Variants in CACNA2D3 observed in about 807,000 individuals in gnomAD.
CACNA2D3 encodes the protein calcium voltage-gated channel auxiliary subunit alpha2delta 3.
In CACNA2D3, 60 loss-of-function variants were observed where a neutral mutation model predicts 160.6. That is an observed-to-expected ratio of 0.37 (90% CI 0.30 to 0.46). The LOEUF is 0.46. Among genes scored for constraint, CACNA2D3 ranks in the 20% least tolerant of loss-of-function variants. The probability of loss-of-function intolerance (pLI) is 1.00; values close to 1 mark genes in which losing one functional copy is unlikely to be tolerated. For synonymous variants in CACNA2D3, 558 were observed against 492.9 expected, an observed-to-expected ratio of 1.13 and a Z score of -1.75; for missense variants, 1,205 against 1,365.0, an observed-to-expected ratio of 0.88 and a Z score of 1.85.
At chr3:54,259,529 C>T (rs151139269) in intron 2 of CACNA2D3, among the ~76,000 whole-genome samples, 3 of 152,140 alleles carry the variant, frequency 2.0e-5, no homozygotes, top group African/African-American at 4.8e-5. Flanking sequence ...GATGGAGAGC[C>T]GGATAGAAAT....
At chr3:55,058,989 C>T (rs572683617) in intron 35 of CACNA2D3, among the ~76,000 whole-genome samples, 33 of 152,218 alleles carry the variant, frequency 2.2e-4, no homozygotes, top group Non-Finnish European at 4.3e-4. Flanking sequence ...GTTTTCTTAC[C>T]ATTAACATGG....
chr3:55,059,795 G>GA (rs1371450582), intron 35 of CACNA2D3, among the ~76,000 whole-genome samples: 1 of 152,058 alleles, frequency 6.6e-6, no homozygotes, highest in Non-Finnish European at 1.5e-5. Context: ...TTGGGGGGTG[G>GA]AAAGGGATGG....
intron 4 of CACNA2D3, among the ~76,000 whole-genome samples, chr3:54,498,108 G>C (rs1267269054): frequency 6.6e-6 from 1 of 151,248 alleles, no homozygotes. Context: ...AATTAGATAG[G>C]AAGTATTTTC....
intron 9 of CACNA2D3, among the ~76,000 whole-genome samples, chr3:54,627,254 T>C (rs1402608788): frequency 6.6e-6 from 1 of 152,216 alleles, no homozygotes; most frequent in East Asian, 1.9e-4. Flanking sequence ...TCTGAGTACC[T>C]GATGGCAGCA....
intron 31 of CACNA2D3, among the ~76,000 whole-genome samples, chr3:55,001,394 A>T (rs186990537): frequency 1.1e-4 from 17 of 152,340 alleles, no homozygotes; most frequent in African/African-American, 4.1e-4. Context: ...CAATACTTAT[A>T]ACAGCAGCTA....
intron 3 of CACNA2D3, among the ~76,000 whole-genome samples, chr3:54,349,714 C>T (rs1221049810): frequency 2.0e-5 from 3 of 152,198 alleles, no homozygotes; most frequent in East Asian, 1.9e-4. Context: ...GCATCCATCA[C>T]GTCTTCCCAT....
intron 2 of CACNA2D3, among the ~76,000 whole-genome samples, chr3:54,163,264 TGTG>T (rs564850553): frequency 1.4e-4 from 22 of 152,342 alleles, no homozygotes; most frequent in African/African-American, 5.1e-4. Flanking sequence ...AACAGCTAAT[TGTG>T]GTAAGTACTG....
intron 9 of CACNA2D3, among the ~76,000 whole-genome samples, chr3:54,595,313 G>T (rs1332311947): frequency 7.6e-6 from 1 of 132,204 alleles, no homozygotes; most frequent in Non-Finnish European, 1.6e-5. Flanking sequence ...CTGTGTGTGT[G>T]GTGTGTGTGT....
chr3:54,624,577 G>A (rs548812435), intron 9 of CACNA2D3, among the ~76,000 whole-genome samples: 2 of 152,230 alleles, frequency 1.3e-5, no homozygotes, highest in South Asian at 2.1e-4. Context: ...AGCCGAGATC[G>A]CACCCACTGC....
intron 2 of CACNA2D3, among the ~76,000 whole-genome samples, chr3:54,144,639 G>A (rs920136253): frequency 6.6e-6 from 1 of 152,248 alleles, no homozygotes; most frequent in East Asian, 1.9e-4. Flanking sequence ...AGGCTCTGGG[G>A]CCAGGCATAC....
chr3:54,320,310 C>T (rs1703958757), intron 2 of CACNA2D3, 132 bp from the exon 3 acceptor site: 5 of 525,308 alleles, frequency 9.5e-6, no homozygotes, highest in South Asian at 5.7e-5. Flanking sequence ...GTTTAATATC[C>T]ACAAATTCAC....
chr3:54,158,002 C>T (rs1700275553), intron 2 of CACNA2D3, among the ~76,000 whole-genome samples: 1 of 152,202 alleles, frequency 6.6e-6, no homozygotes, highest in South Asian at 2.1e-4. Context: ...AAGGAAATTG[C>T]CACCTAAGGT....
In CACNA2D3 at chr3:54,464,177, C is replaced by T. The variant is rs1479308669; in HGVS notation, c.382-39315C>T. On this transcript the variant is annotated intron_variant, in intron 4 of 37. Transcript: ENST00000474759. The stretch of plus-strand genomic sequence containing the variant: ...CCAGCCGTGTGAGGTGTCAGTCTGC[C>T]CCTACTGGGGGGTGCCTCCTAGTTA... 3.3e-5 allele frequency among the ~76,000 whole-genome samples: 5 copies of T among 152,150 alleles called. No homozygotes were observed. The East Asian group carries it at 7.7e-4, about 24-fold the overall frequency.
At chr3:55,067,716 G>GATACATACATACATAC (rs59985203) in intron 35 of CACNA2D3, among the ~76,000 whole-genome samples, 4,104 of 151,178 alleles carry the variant, frequency 0.027, 157 homozygotes, top group African/African-American at 0.08. Context: ...CCATGCATTA[G>GATACATACATACATAC]ATACATACAT....
intron 35 of CACNA2D3, among the ~76,000 whole-genome samples, chr3:55,066,534 G>C (rs1704639754): frequency 6.6e-6 from 1 of 152,090 alleles, no homozygotes; most frequent in African/African-American, 2.4e-5. Flanking sequence ...GAGTATGAGG[G>C]AGGCATGGTG....
intron 4 of CACNA2D3, among the ~76,000 whole-genome samples, chr3:54,462,872 G>GTTA (rs1700533884): frequency 1.3e-5 from 2 of 149,356 alleles, no homozygotes; most frequent in African/African-American, 4.9e-5. Context: ...TCCTAGTCTC[G>GTTA]ATGTTCTTTA....
At chr3:54,719,055 A>G (rs1701118393) in intron 11 of CACNA2D3, among the ~76,000 whole-genome samples, 1 of 149,878 alleles carries the variant, frequency 6.7e-6, no homozygotes, top group Non-Finnish European at 1.5e-5. Flanking sequence ...TATCTTTTTT[A>G]TTTTCTGTGT....
At chr3:54,839,235 G>A (rs1303006103) in intron 16 of CACNA2D3, among the ~76,000 whole-genome samples, 1 of 152,170 alleles carries the variant, frequency 6.6e-6, no homozygotes, top group Non-Finnish European at 1.5e-5. Context: ...TGCAGCCTGG[G>A]CGACAGAGCG....
chr3:54,310,549 A>T (rs1417589470), intron 2 of CACNA2D3, among the ~76,000 whole-genome samples: 1 of 152,172 alleles, frequency 6.6e-6, no homozygotes, highest in Non-Finnish European at 1.5e-5. Context: ...GCCAGAACAG[A>T]GTCCTCACCA....
Sources: gnomAD v4.1 joint callset for allele counts (sites outside exome capture counted in the v4.1 genomes callset) on GRCh38, gnomAD v4.1.1 for gene constraint, MANE v1.5 for transcripts, NCBI Gene and HGNC (gene_info 2026-07-23, HGNC 2026-07-21) for gene names.